The following MICU1 variants were observed in gnomAD, a reference collection of about 807,000 sequenced individuals.
MICU1 encodes the protein calcium uptake protein 1, mitochondrial.
Under a neutral mutation model 56.8 loss-of-function variants are expected in MICU1, and 45 were observed. The ratio of observed to expected loss-of-function variants is 0.79; its 90% CI spans 0.62 to 1.02. The LOEUF (loss-of-function observed/expected upper bound fraction) is 1.02, where lower values mean the gene tolerates loss of function less well. MICU1 is among the 50% of genes least tolerant of loss of function. The pLI is 0.00. For missense variants in MICU1, 504 were observed against 587.1 expected, an observed-to-expected ratio of 0.86 and a Z score of 1.46; for synonymous variants, 186 against 195.1, an observed-to-expected ratio of 0.95 and a Z score of 0.39.
chr10:72,409,605 C>T (rs112183669), intron 9 of MICU1, among the ~76,000 whole-genome samples: 4 of 152,228 alleles, frequency 2.6e-5, no homozygotes, highest in African/African-American at 9.6e-5. Flanking sequence ...GTGGGAGGAT[C>T]GCTTGAGCCT....
At chr10:72,464,465 C>T (rs923151096) in intron 8 of MICU1, among the ~76,000 whole-genome samples, 1 of 152,038 alleles carries the variant, frequency 6.6e-6, no homozygotes, top group African/African-American at 2.4e-5. Flanking sequence ...GAAAGCAGTA[C>T]ATGTTGACTA....
At chr10:72,450,880 A>G (rs1016087404) in intron 8 of MICU1, among the ~76,000 whole-genome samples, 2 of 151,866 alleles carry the variant, frequency 1.3e-5, no homozygotes, top group Non-Finnish European at 2.9e-5. Context: ...GTGCACCACC[A>G]CATCTGGCTA....
rs550701288 is a variant in MICU1 at position 72,623,629 on chromosome 10, G to A, written c.-2+2381C>T. Among the ~76,000 whole-genome samples the A allele has an allele frequency of 9.9e-5, 15 of 152,102 alleles. No homozygotes were observed. In the East Asian group the frequency reaches 2.1e-3, roughly 22 times the overall value. On this transcript the variant is annotated intron_variant, in intron 1 of 11. Transcript: ENST00000361114. ...CGAGGCAGGTGGATCACCTGAGGTC[G>A]TCAGGAGTTCGAGACTAGCCTGGCC...
At chr10:72,498,517 C>T (rs529755864) in intron 6 of MICU1, among the ~76,000 whole-genome samples, 5 of 152,098 alleles carry the variant, frequency 3.3e-5, no homozygotes, top group African/African-American at 7.2e-5. Flanking sequence ...ACCCAGGAGG[C>T]GGAGGTTGCA....
chr10:72,477,407 G>A (rs1866157707), intron 6 of MICU1, 151 bp from the exon 7 acceptor site: 4 of 1,218,732 alleles, frequency 3.3e-6, no homozygotes, highest in Non-Finnish European at 4.6e-6. Flanking sequence ...AAATGAAACT[G>A]CATTTATTGA....
chr10:72,451,843 G>A (rs759651423), intron 8 of MICU1, among the ~76,000 whole-genome samples: 6 of 151,678 alleles, frequency 4.0e-5, no homozygotes, highest in Admixed American at 6.6e-5. Context: ...GTGCCTGGCC[G>A]AAGATATTAA....
At chr10:72,564,258 T>A (rs1564936785) in intron 2 of MICU1, among the ~76,000 whole-genome samples, 1 of 152,116 alleles carries the variant, frequency 6.6e-6, no homozygotes, top group African/African-American at 2.4e-5. Context: ...AATGGTGGCC[T>A]GGCCAGGCGT....
intron 9 of MICU1, among the ~76,000 whole-genome samples, chr10:72,415,013 G>GTTTTTTT: frequency 8.8e-6 from 1 of 114,266 alleles, no homozygotes; most frequent in Non-Finnish European, 1.9e-5. Context: ...CTCCTGCTTA[G>GTTTTTTT]TTTTTTTTTT....
intron 1 of MICU1, among the ~76,000 whole-genome samples, chr10:72,621,488 G>A (rs772978120): frequency 8.6e-5 from 13 of 151,844 alleles, no homozygotes; most frequent in Admixed American, 8.5e-4. Context: ...GTAAAACTCC[G>A]TCTCAAAAAA....
rs1229567553 is a variant in MICU1, at chr10:72,561,742, CG to C, written c.330+1152del. ...AGGAGAATCGCTTGAACCCAGGAAGCGGAGGTTACAGTGAGCCAAGATCATG... is the reference window on the plus strand; with the variant it reads ...AGGAGAATCGCTTGAACCCAGGAAGCGAGGTTACAGTGAGCCAAGATCATG... On this transcript the variant is annotated intron_variant, in intron 3 of 11. Transcript: ENST00000361114. Among the ~76,000 whole-genome samples, 7 of 152,062 alleles carry C rather than the reference CG, an allele frequency of 4.6e-5. No homozygotes were observed. In the East Asian group the frequency reaches 1.2e-3, roughly 25 times the overall value.
At chr10:72,569,465 C>T (rs1309651941) in intron 1 of MICU1, among the ~76,000 whole-genome samples, 1 of 151,372 alleles carries the variant, frequency 6.6e-6, no homozygotes, top group Non-Finnish European at 1.5e-5. Context: ...AAACTCCTGA[C>T]CTCAGGTGAT....
At chr10:72,448,121 ATGTGTGTGTGTGTG>A (rs150733309) in intron 8 of MICU1, among the ~76,000 whole-genome samples, 1 of 121,786 alleles carries the variant, frequency 8.2e-6, no homozygotes, top group African/African-American at 3.3e-5. Flanking sequence ...GTTTATATAT[ATGTGTGTGTGTGTG>A]TGTGTGTGTG....
rs71021511 is a variant in MICU1 at position 72,586,013 on chromosome 10, C to CTTTTTTTTTT, written c.-1-19229_-1-19220dup. Among the ~76,000 whole-genome samples, 68 of 74,712 alleles carry CTTTTTTTTTT rather than the reference C, an allele frequency of 9.1e-4. 1 individual carries two copies. Among genetic ancestry groups the CTTTTTTTTTT allele is most frequent in the Non-Finnish European group, 1.1e-3 (47 of 42,598 alleles). The allele number at this position is 74,712 out of a possible 152,430, so 49.0% of individuals were successfully genotyped here. On this transcript the variant is annotated intron_variant, in intron 1 of 11. Coordinates refer to ENST00000361114, the MANE Select transcript of MICU1 (RefSeq NM_001195518.2). ...GTTTTTATTTTTTCTTTTTTTTTTTCTTTTTTTTTTTTTTTTTTTGAGACA... is the reference window on the plus strand; with the variant it reads ...GTTTTTATTTTTTCTTTTTTTTTTTCTTTTTTTTTTTTTTTTTTTTTTTTTTTTTGAGACA...
chr10:72,580,473 A>AATTT (rs67035378), intron 1 of MICU1, among the ~76,000 whole-genome samples: 1 of 150,004 alleles, frequency 6.7e-6, no homozygotes, highest in Admixed American at 6.7e-5. Flanking sequence ...TTAATTAATT[A>AATTT]ATTTATTTAT....
At chr10:72,620,983 G>A (rs1024472599) in intron 1 of MICU1, among the ~76,000 whole-genome samples, 2 of 152,014 alleles carry the variant, frequency 1.3e-5, no homozygotes, top group Non-Finnish European at 2.9e-5. Context: ...CATATTTTGG[G>A]AAGCCAAGGC....
intron 9 of MICU1, among the ~76,000 whole-genome samples, chr10:72,421,300 C>G (rs12769094): frequency 0.52 from 78,876 of 151,148 alleles, 22,050 homozygotes; most frequent in Non-Finnish European, 0.65. Context: ...CTTTCTCCCA[C>G]GCTGGAGTGA....
At chr10:72,547,140 A>T (rs555692110) in intron 4 of MICU1, among the ~76,000 whole-genome samples, 8 of 152,102 alleles carry the variant, frequency 5.3e-5, no homozygotes, top group African/African-American at 1.9e-4. Flanking sequence ...TGATCTGTCC[A>T]TGTCGGCCTC....
chr10:72,558,598 C>T (rs905611735), intron 3 of MICU1, among the ~76,000 whole-genome samples: 4 of 151,954 alleles, frequency 2.6e-5, no homozygotes, highest in Admixed American at 6.6e-5. Context: ...GAGCATTTTC[C>T]GCAGCTTTGC....
chr10:72,399,720 T>C (rs1345685203), intron 10 of MICU1, among the ~76,000 whole-genome samples: 1 of 152,172 alleles, frequency 6.6e-6, no homozygotes, highest in Non-Finnish European at 1.5e-5. Flanking sequence ...CCCAGCACTT[T>C]GGGAGACCAA....
Sources: gnomAD v4.1 joint callset for allele counts (sites outside exome capture counted in the v4.1 genomes callset) on GRCh38, gnomAD v4.1.1 for gene constraint, MANE v1.5 for transcripts, NCBI Gene and HGNC (gene_info 2026-07-23, HGNC 2026-07-21) for gene names.